Variants in BTBD2 observed in about 807,000 individuals in gnomAD.
BTBD2 encodes the protein BTB domain containing 2, also known as BTB/POZ domain-containing protein 2.
In BTBD2, 15 loss-of-function variants were observed where a neutral mutation model predicts 44.0. The observed-to-expected ratio is 0.34, with a 90% CI of 0.23 to 0.53. The LOEUF is 0.53. Ranked by LOEUF, BTBD2 falls within the 20% of genes least tolerant of loss-of-function variation. The pLI is 0.95. For missense variants in BTBD2, 657 were observed against 746.4 expected, an observed-to-expected ratio of 0.88 and a Z score of 1.39; for synonymous variants, 443 against 335.9, an observed-to-expected ratio of 1.32 and a Z score of -3.49.
chr19:2,013,024 C>G (rs1009234265), intron 1 of BTBD2, among the ~76,000 whole-genome samples: 1 of 152,164 alleles, frequency 6.6e-6, no homozygotes, highest in Non-Finnish European at 1.5e-5. Context: ...GGCCCAGCAG[C>G]TAAGGACGAC....
intron 1 of BTBD2, among the ~76,000 whole-genome samples, chr19:2,003,947 A>T (rs983320407): frequency 3.9e-5 from 6 of 152,038 alleles, no homozygotes; most frequent in Admixed American, 2.6e-4. Flanking sequence ...CCTCCCTCCC[A>T]ATCTGTCCAC....
intron 1 of BTBD2, among the ~76,000 whole-genome samples, chr19:2,003,996 G>C (rs566888192): frequency 6.6e-6 from 1 of 151,596 alleles, no homozygotes; most frequent in African/African-American, 2.4e-5. Flanking sequence ...AGAGAACTCA[G>C]CCATCCCTCC....
At chr19:1,987,762 G>A (rs1374231421) in intron 5 of BTBD2, 70 bp from the exon 6 acceptor site, 9 of 1,414,586 alleles carry the variant, frequency 6.4e-6, no homozygotes, top group South Asian at 2.7e-5. Flanking sequence ...GGGAGGACAC[G>A]CTCCTTCCCC....
At chr19:1,999,233 T>C (rs1448175953) in intron 1 of BTBD2, among the ~76,000 whole-genome samples, 1 of 152,100 alleles carries the variant, frequency 6.6e-6, no homozygotes, top group Non-Finnish European at 1.5e-5. Context: ...GGCTTCCACA[T>C]GGGCCCCGAC....
At chr19:1,998,496 G>T (rs1004733384) in intron 1 of BTBD2, among the ~76,000 whole-genome samples, 1 of 152,236 alleles carries the variant, frequency 6.6e-6, no homozygotes, top group Non-Finnish European at 1.5e-5. Context: ...GACGCTGGGG[G>T]TTCTGCCCCG....
Position 1,990,022 on chromosome 19 carries a change from T to C in BTBD2, c.970A>G (p.Ile324Val). ...LGLIRFPLMTIEEFAAGPAQS... is the reference protein window; with the variant it reads ...LGLIRFPLMTVEEFAAGPAQS... ...CTGTTACCTGCAGCGAACTCCTCGA[T>C]GGTCATGAGCGGGAAGCGAATGAGG... is the stretch of plus-strand genomic sequence containing the variant. Residue 324 changes from isoleucine to valine, a missense_variant, in exon 5 of 9, where the codon ATC becomes GTC. Physicochemically the swap from Ile to Val is conservative, Grantham distance 29. This residue lies in a region of BTBD2 where 449 missense variants were observed against 510.9 expected (regional missense o/e 0.88). Coordinates refer to ENST00000255608, the MANE Select transcript of BTBD2 (RefSeq NM_017797.4). 6.2e-7 allele frequency: 1 copy of C among 1,613,392 alleles called. No homozygotes were observed. Among genetic ancestry groups the C allele is most frequent in the Non-Finnish European group, 8.5e-7 (1 of 1,180,006 alleles).
In BTBD2 at chr19:2,009,735, A is replaced by C. The variant is rs1190300532; in HGVS notation, c.407+5562T>G. Among the ~76,000 whole-genome samples the C allele has an allele frequency of 2.6e-5, 4 of 152,088 alleles. No homozygotes were observed. The East Asian group carries it at 7.7e-4, about 29-fold the overall frequency. On this transcript the variant is annotated intron_variant, in intron 1 of 8. Coordinates refer to ENST00000255608, the MANE Select transcript of BTBD2 (RefSeq NM_017797.4). ...CGTGGTGGCGCACACCTGTAATCCCAGCTACTCAGAAGGCTGAGACAGGAG... is the reference window on the plus strand; with the variant it reads ...CGTGGTGGCGCACACCTGTAATCCCCGCTACTCAGAAGGCTGAGACAGGAG...
At chr19:2,005,706 T>C (rs113142896) in intron 1 of BTBD2, among the ~76,000 whole-genome samples, 1,922 of 149,818 alleles carry the variant, frequency 0.013, 30 homozygotes, top group African/African-American at 0.044. Context: ...CGCTTGAACC[T>C]GGGAGGCAGA....
chr19:1,989,776 A>G (rs1484168709), intron 5 of BTBD2: 1 of 580,264 alleles, frequency 1.7e-6, no homozygotes, highest in Admixed American at 3.0e-5. Flanking sequence ...AGCTGGACAG[A>G]CACGAGAGGC....
chr19:2,005,285 A>T (rs112794290), intron 1 of BTBD2, among the ~76,000 whole-genome samples: 1,969 of 152,140 alleles, frequency 0.013, 33 homozygotes, highest in African/African-American at 0.044. Flanking sequence ...CTTCTCCTGG[A>T]TAAATGCCTC....
At chr19:2,000,034 G>T (rs1335468093) in intron 1 of BTBD2, among the ~76,000 whole-genome samples, 1 of 152,090 alleles carries the variant, frequency 6.6e-6, no homozygotes, top group Non-Finnish European at 1.5e-5. Flanking sequence ...GCAGGGACTG[G>T]AGCGATGCGG....
At chr19:1,999,063 G>A (rs1290055252) in intron 1 of BTBD2, among the ~76,000 whole-genome samples, 1 of 152,046 alleles carries the variant, frequency 6.6e-6, no homozygotes, top group East Asian at 1.9e-4. Flanking sequence ...CTGGCTGGGC[G>A]ACCTCCACAC....
In BTBD2 at chr19:1,993,167, G is replaced by A; in HGVS notation, c.537C>T (p.Tyr179=). 6.2e-7 allele frequency: 1 copy of A among 1,601,246 alleles called. No homozygotes were observed. The highest frequency in any genetic ancestry group is 8.5e-7 in the Non-Finnish European group (1 of 1,178,934). The change falls in exon 3 of 9, where the codon TAC becomes TAT. Residue 179 remains tyrosine (Y), a synonymous_variant. Coordinates refer to ENST00000255608, the MANE Select transcript of BTBD2 (RefSeq NM_017797.4). ...AAFLALLKFL[Y]SDEVQIGPET... Reference sequence around the variant, plus strand: ...CCGGGCCAATCTGCACCTCGTCCGAGTAGAGAAACCTGCAGAAGCAACGCG... The same window carrying A: ...CCGGGCCAATCTGCACCTCGTCCGAATAGAGAAACCTGCAGAAGCAACGCG...
At chr19:1,995,952 G>C (rs1005414132) in intron 2 of BTBD2, among the ~76,000 whole-genome samples, 2 of 152,124 alleles carry the variant, frequency 1.3e-5, no homozygotes, top group African/African-American at 4.8e-5. Flanking sequence ...ACCGTGCCCA[G>C]CCTGGACTTT....
intron 1 of BTBD2, 115 bp downstream of exon 1, chr19:2,015,182 G>A (rs1361907519): frequency 5.1e-5 from 69 of 1,343,820 alleles, no homozygotes; most frequent in Non-Finnish European, 6.5e-5. Flanking sequence ...TGCAGGGCTC[G>A]GGGATGGAGG....
At position 1,990,770 on chromosome 19, in the gene BTBD2, T is replaced by C. The variant is rs143448816; in HGVS notation, c.737A>G (p.Asp246Gly). Reference protein sequence around the residue: ...QLASLCLENIDKNTADAITAE... With the variant: ...QLASLCLENIGKNTADAITAE... ...GGTGATGGCGTCTGCAGTGTTTTTG[T>C]CGATGTTCTCCAGGCACAGGCTGGC... Residue 246 changes from aspartate to glycine, a missense_variant, in exon 4 of 9, where the codon GAC becomes GGC. Around this residue, in one of 3 missense-constraint regions of BTBD2, gnomAD observed 449 missense variants for 510.9 expected, o/e 0.88. Transcript: ENST00000255608. 118 of 1,601,668 alleles carry C rather than the reference T, an allele frequency of 7.4e-5. 1 individual carries two copies. Among genetic ancestry groups the C allele is most frequent in the Admixed American group, 7.2e-4 (42 of 58,630 alleles).
At chr19:1,987,816 A>G (rs1202812628) in intron 5 of BTBD2, 124 bp from the exon 6 acceptor site, 8 of 1,020,500 alleles carry the variant, frequency 7.8e-6, no homozygotes, top group South Asian at 5.1e-5. Flanking sequence ...GGACCTGGGC[A>G]GCCCCTCCCC....
chr19:1,997,737 C>T lies in BTBD2; in HGVS notation c.408-274G>A, dbSNP rs920284209. Among the ~76,000 whole-genome samples, 34 of 152,356 alleles carry T rather than the reference C, an allele frequency of 2.2e-4. 1 individual carries two copies. Among genetic ancestry groups the T allele is most frequent in the African/African-American group, 7.9e-4 (33 of 41,596 alleles). On this transcript the variant is annotated intron_variant, in intron 1 of 8. Coordinates refer to ENST00000255608, the MANE Select transcript of BTBD2 (RefSeq NM_017797.4). The stretch of plus-strand genomic sequence containing the variant: ...TCTGCCAGCCCTCACCATCCTCTCT[C>T]TTTCCTTCCAGGCGTCAGGCACGCA...
intron 5 of BTBD2, among the ~76,000 whole-genome samples, chr19:1,989,153 T>G (rs2016136293): frequency 1.3e-5 from 2 of 152,160 alleles, no homozygotes; most frequent in African/African-American, 4.8e-5. Context: ...CAGCACTTTG[T>G]GAGGCCGAGA....
Sources: allele counts gnomAD v4.1 joint callset (sites outside exome capture counted in the v4.1 genomes callset), GRCh38; gene constraint gnomAD v4.1.1; regional missense constraint gnomAD v4.1.1; transcripts MANE v1.5; gene names NCBI Gene and HGNC (gene_info 2026-07-23, HGNC 2026-07-21).